PHACTR3: variants seen among roughly 807,000 people sequenced by gnomAD.
PHACTR3 encodes phosphatase and actin regulator 3, also known as protein phosphatase 1, regulatory subunit 123.
A neutral mutation model predicts 66.8 loss-of-function variants in PHACTR3; 16 were observed. The ratio of observed to expected loss-of-function variants is 0.24; its 90% confidence interval spans 0.16 to 0.36. The LOEUF is 0.36. PHACTR3 is among the 10% of genes least tolerant of loss of function. The probability of loss-of-function intolerance (pLI) is 1.00; values close to 1 mark genes in which losing one functional copy is unlikely to be tolerated. For missense variants in PHACTR3, 647 were observed against 719.9 expected (o/e 0.90, Z 1.16); for synonymous variants, 323 against 292.1 (o/e 1.11, Z -1.08).
At chr20:59,605,576 C>G (rs2033632032) in intron 1 of PHACTR3, among the ~76,000 whole-genome samples, 2 of 152,228 alleles carry the variant, frequency 1.3e-5, no homozygotes, top group African/African-American at 4.8e-5. Context: ...CTGAGGCCAC[C>G]GCGCTGAGGG....
At chr20:59,674,451 T>G (rs2036320818) in intron 1 of PHACTR3, among the ~76,000 whole-genome samples, 1 of 135,868 alleles carries the variant, frequency 7.4e-6, no homozygotes, top group African/African-American at 2.7e-5. Flanking sequence ...TTCCTTCCCC[T>G]TCTCCTGTCC....
chr20:59,744,037 CCACAGACAGGGTGGA>C (rs2039273817), intron 2 of PHACTR3, among the ~76,000 whole-genome samples: 1 of 152,168 alleles, frequency 6.6e-6, no homozygotes, highest in Non-Finnish European at 1.5e-5. Flanking sequence ...TGAGGCTGAA[CCACAGACAGGGTGGA>C]CACAGGCAGT....
chr20:59,635,143 CTTTCTT>C lies in PHACTR3; in HGVS notation c.118+30019_118+30024del, dbSNP rs1384888750. ...TCTTTCTTTCTTTCTTTCTTTCTTT[CTTTCTT>C]TTTCTTTCTTTCTTTCTTTCCTTTC... On this transcript the variant is annotated intron_variant, in intron 1 of 12. Coordinates refer to ENST00000371015, the MANE Select transcript of PHACTR3 (RefSeq NM_080672.5). Among the ~76,000 whole-genome samples the C allele has an allele frequency of 7.4e-4, 49 of 66,306 alleles. 2 individuals are homozygous for C. Among genetic ancestry groups the C allele is most frequent in the Non-Finnish European group, 8.3e-4 (28 of 33,568 alleles). 43.5% of individuals were successfully genotyped at this position (66,306 alleles called of 152,430 possible).
At chr20:59,742,066 G>A (rs1474095432) in intron 1 of PHACTR3, among the ~76,000 whole-genome samples, 1 of 152,200 alleles carries the variant, frequency 6.6e-6, no homozygotes, top group Non-Finnish European at 1.5e-5. Context: ...CAGCCCCGGG[G>A]TTCCCCATTT....
At chr20:59,614,933 G>A (rs2033979027) in intron 1 of PHACTR3, among the ~76,000 whole-genome samples, 1 of 152,080 alleles carries the variant, frequency 6.6e-6, no homozygotes, top group African/African-American at 2.4e-5. Context: ...TGCTGACTTT[G>A]GCACGTTTAT....
At chr20:59,652,480 G>T (rs1366201664) in intron 1 of PHACTR3, among the ~76,000 whole-genome samples, 1 of 152,194 alleles carries the variant, frequency 6.6e-6, no homozygotes. Flanking sequence ...GAGCCCTAAA[G>T]TTCAAGGCTG....
At chr20:59,817,135 G>C (rs1282052094) in intron 8 of PHACTR3, among the ~76,000 whole-genome samples, 1 of 152,174 alleles carries the variant, frequency 6.6e-6, no homozygotes, top group African/African-American at 2.4e-5. Flanking sequence ...TTTGCATAGT[G>C]GGCTCTTTGG....
At chr20:59,705,778 C>T (rs951841193) in intron 1 of PHACTR3, among the ~76,000 whole-genome samples, 8 of 152,298 alleles carry the variant, frequency 5.3e-5, no homozygotes, top group Middle Eastern at 3.4e-3. Flanking sequence ...ATTTCCCTTC[C>T]TGCAGGCTGT....
chr20:59,683,115 G>T (rs1337574525), intron 1 of PHACTR3, among the ~76,000 whole-genome samples: 1 of 152,206 alleles, frequency 6.6e-6, no homozygotes, highest in Non-Finnish European at 1.5e-5. Flanking sequence ...GGCTGAGGGA[G>T]CAGATGGGGA....
intron 1 of PHACTR3, among the ~76,000 whole-genome samples, chr20:59,653,398 T>G (rs903460582): frequency 2.6e-5 from 4 of 152,134 alleles, no homozygotes; most frequent in African/African-American, 9.7e-5. Flanking sequence ...TTGGTCAGGC[T>G]GGTCTCGAAC....
At chr20:59,751,266 C>T (rs1033234428) in intron 3 of PHACTR3, among the ~76,000 whole-genome samples, 3 of 152,160 alleles carry the variant, frequency 2.0e-5, no homozygotes, top group Non-Finnish European at 2.9e-5. Context: ...AATCTGCAGC[C>T]GGGGGCGCCC....
Position 59,684,696 on chromosome 20 carries a change from G to A in PHACTR3, c.119-58411G>A, listed in dbSNP as rs141943086. On this transcript the variant is annotated intron_variant, in intron 1 of 12. Transcript: ENST00000371015. ...ACCTCACCCGCAGGAATCCGGAAGC[G>A]CCTGATGCCTTCCCTGGGCTGGGAG... Among the ~76,000 whole-genome samples the A allele has an allele frequency of 2.4e-3, 364 of 152,300 alleles. 1 individual carries two copies. Among genetic ancestry groups the A allele is most frequent in the Non-Finnish European group, 2.7e-3 (182 of 68,032 alleles).
At chr20:59,683,477 A>C in intron 1 of PHACTR3, among the ~76,000 whole-genome samples, 1 of 144,910 alleles carries the variant, frequency 6.9e-6, no homozygotes. Flanking sequence ...CTTTCTTTTA[A>C]ACCAGGTCTT....
At chr20:59,807,061 G>T (rs761462956) in intron 8 of PHACTR3, among the ~76,000 whole-genome samples, 1 of 152,230 alleles carries the variant, frequency 6.6e-6, no homozygotes. Flanking sequence ...AGGCTAGCAC[G>T]CGACCGTGCA....
chr20:59,694,043 C>T (rs1288362119), intron 1 of PHACTR3, among the ~76,000 whole-genome samples: 1 of 152,102 alleles, frequency 6.6e-6, no homozygotes, highest in Non-Finnish European at 1.5e-5. Flanking sequence ...GAAATGTGGC[C>T]GTTTTTGCAA....
At chr20:59,788,098 G>GC (rs1179205186) in intron 7 of PHACTR3, among the ~76,000 whole-genome samples, 7 of 152,024 alleles carry the variant, frequency 4.6e-5, no homozygotes, top group Admixed American at 1.3e-4. Flanking sequence ...TTTATCCTTT[G>GC]CCCCCCTCCC....
At chr20:59,742,008 G>C (rs1323584571) in intron 1 of PHACTR3, among the ~76,000 whole-genome samples, 2 of 152,206 alleles carry the variant, frequency 1.3e-5, no homozygotes, top group Non-Finnish European at 2.9e-5. Context: ...TGATCTGCCT[G>C]CCTGGGCCTC....
intron 1 of PHACTR3, among the ~76,000 whole-genome samples, chr20:59,580,096 A>G (rs1371253764): frequency 1.3e-5 from 2 of 152,142 alleles, no homozygotes; most frequent in African/African-American, 4.8e-5. Flanking sequence ...ATTCATCAGA[A>G]TGGGGCTGGC....
intron 1 of PHACTR3, among the ~76,000 whole-genome samples, chr20:59,722,428 CAG>C (rs1430421954): frequency 2.6e-5 from 4 of 152,072 alleles, no homozygotes; most frequent in Non-Finnish European, 4.4e-5. Flanking sequence ...CAGCAACAAA[CAG>C]GGCACGATCA....
Sources: gnomAD v4.1 joint callset for allele counts (sites outside exome capture counted in the v4.1 genomes callset) on GRCh38, gnomAD v4.1.1 for gene constraint, MANE v1.5 for transcripts, NCBI Gene and HGNC (gene_info 2026-07-23, HGNC 2026-07-21) for gene names.